The following FGFR3 variants were observed in gnomAD, a reference collection of about 807,000 sequenced individuals.
The protein encoded by FGFR3 is fibroblast growth factor receptor 3, also known as FGFR-3.
FGFR3 carries 25 observed loss-of-function variants against 82.9 expected under a neutral mutation model. The ratio of observed to expected loss-of-function variants is 0.30; its 90% CI spans 0.22 to 0.42. The LOEUF (loss-of-function observed/expected upper bound fraction) is 0.42, where lower values mean the gene tolerates loss of function less well. FGFR3 is among the 10% of genes least tolerant of loss of function. The pLI, the probability that FGFR3 is intolerant of heterozygous loss-of-function variation, is 1.00. For synonymous variants in FGFR3, 620 were observed against 516.0 expected, an observed-to-expected ratio of 1.20 and a Z score of -2.73; for missense variants, 1,026 against 1,161.0, an observed-to-expected ratio of 0.88 and a Z score of 1.69.
chr4:1,807,650 A>C lies in FGFR3; in HGVS notation c.*388A>C. 1.6e-6 allele frequency: 1 copy of C among 631,814 alleles called. No homozygotes were observed. Among genetic ancestry groups the C allele is most frequent in the South Asian group, 1.4e-5 (1 of 72,594 alleles). 39.1% of individuals were successfully genotyped at this position (631,814 alleles called of 1,614,324 possible). On this transcript the variant is annotated 3_prime_UTR_variant, in exon 18 of 18. Transcript: ENST00000440486. ...CTCTGCCTTTGCACCACGGGACATCACAGGGTGGGCCTCGGCCCCTCCCAC... is the reference window on the plus strand; with the variant it reads ...CTCTGCCTTTGCACCACGGGACATCCCAGGGTGGGCCTCGGCCCCTCCCAC...
At chr4:1,804,724 A>T in intron 9 of FGFR3, 100 bp from the exon 10 acceptor site, 1 of 1,468,548 alleles carries the variant, frequency 6.8e-7, no homozygotes, top group Non-Finnish European at 9.3e-7. Context: ...TGCTGGTGGA[A>T]GTCAGAACGC....
At position 1,804,384 on chromosome 4, in the gene FGFR3, T is replaced by G. The variant is rs267606809; in HGVS notation, c.1130T>G (p.Leu377Arg). 1.9e-6 allele frequency: 3 copies of G among 1,612,994 alleles called. No individual in the cohort carries two copies. The highest frequency in any genetic ancestry group is 1.3e-5 in the African/African-American group (1 of 74,994). ...GCGGGCAGTGTGTATGCAGGCATCC[T>G]CAGCTACGGGGTGGGCTTCTTCCTG... ...DEAGSVYAGI[L>R]SYGVGFFLFI... The change falls in exon 9 of 18, where the codon CTC (leucine) becomes CGC (arginine). Residue 377 changes from leucine (L) to arginine (R), a missense_variant. Coordinates refer to ENST00000440486, the MANE Select transcript of FGFR3 (RefSeq NM_000142.5).
intron 2 of FGFR3, among the ~76,000 whole-genome samples, chr4:1,796,014 T>C (rs3135848): frequency 0.4 from 60,915 of 152,132 alleles, 14,995 homozygotes; most frequent in African/African-American, 0.7. Context: ...TCTGGGGCTG[T>C]GGCACCCCTT....
intron 4 of FGFR3, among the ~76,000 whole-genome samples, chr4:1,800,420 C>T (rs1224223140): frequency 6.6e-6 from 1 of 151,934 alleles, no homozygotes; most frequent in Non-Finnish European, 1.5e-5. Context: ...AGGTGAGGGT[C>T]ATCGTGGCAC....
chr4:1,798,981 G>A (rs1720860507), intron 2 of FGFR3, among the ~76,000 whole-genome samples: 1 of 152,252 alleles, frequency 6.6e-6, no homozygotes, highest in Non-Finnish European at 1.5e-5. Flanking sequence ...GAAGCATCAT[G>A]GGGCCACTGC....
chr4:1,807,416 T>C lies in FGFR3; in HGVS notation c.*154T>C, dbSNP rs771564788. ...GTGTGTGTGCGTGTGTGTGTGTGTG[T>C]GTGCACATCCGCGTGTGCCTGTGTG... is the stretch of plus-strand genomic sequence containing the variant. On this transcript the variant is annotated 3_prime_UTR_variant, in exon 18 of 18. Transcript: ENST00000440486. 4 of 1,129,986 alleles carry C rather than the reference T, an allele frequency of 3.5e-6. No individual in the cohort carries two copies. Among genetic ancestry groups the C allele is most frequent in the African/African-American group, 3.1e-5 (2 of 65,258 alleles). The allele number at this position is 1,129,986 out of a possible 1,614,324, so 70.0% of individuals were successfully genotyped here. A position where few individuals can be genotyped will look rare whatever the true frequency, so the allele number is the denominator to read the frequency against.
chr4:1,803,220 C>T, intron 7 of FGFR3: 1 of 909,702 alleles, frequency 1.1e-6, no homozygotes, highest in Non-Finnish European at 1.5e-6. Context: ...CTCCAGCCTC[C>T]ACGGTGACCG....
Position 1,796,449 on chromosome 4 carries a change from C to T in FGFR3, c.109+2406C>T, listed in dbSNP as rs3135850. 6.3e-3 allele frequency among the ~76,000 whole-genome samples: 961 copies of T among 152,220 alleles called. 9 individuals are homozygous for T. Among genetic ancestry groups the T allele is most frequent in the Non-Finnish European group, 0.011 (718 of 68,002 alleles). On this transcript the variant is annotated intron_variant, in intron 2 of 17. Transcript: ENST00000440486. The stretch of plus-strand genomic sequence containing the variant: ...CTCCTACCTGGCAATACCTCCTGTA[C>T]CCCAGAGAGCTGCAGAGAACTTCAT...
rs759398915 is a variant in FGFR3 at position 1,807,132 on chromosome 4, C to A, written c.2291C>A (p.Ser764Ter). The A allele has an allele frequency of 6.3e-7, 1 of 1,588,668 alleles. No individual in the cohort carries two copies. The highest frequency in any genetic ancestry group is 8.6e-7 in the Non-Finnish European group (1 of 1,168,224). The change falls in exon 18 of 18, where the codon TCG becomes TAG. Residue 764 changes from serine to a stop codon, truncating the protein, a stop_gained. Coordinates refer to ENST00000440486, the MANE Select transcript of FGFR3 (RefSeq NM_000142.5). LOFTEE classifies it low-confidence loss of function (END_TRUNC). ...CGCCAGCAGGAGTACCTGGACCTGT[C>A]GGCGCCTTTCGAGCAGTACTCCCCG... ...VTSTDEYLDLSAPFEQYSPGG... is the reference protein window; with the variant it reads ...VTSTDEYLDL
In FGFR3 at chr4:1,805,739, C is replaced by A. The variant is rs763302590; in HGVS notation, c.1646-11C>A. 26 of 1,612,132 alleles carry A rather than the reference C, an allele frequency of 1.6e-5. No homozygotes were observed. In the Admixed American group the frequency reaches 3.8e-4, roughly 24 times the overall value. On this transcript the variant is annotated splice_polypyrimidine_tract_variant and intron_variant, in intron 12 of 17. Coordinates refer to ENST00000440486, the MANE Select transcript of FGFR3 (RefSeq NM_000142.5). ...GGCCTGGCAGCCCGTCTGAGGAGCC[C>A]GTGTCCCCAGGGCCCCTGTACGTGC... is the stretch of plus-strand genomic sequence containing the variant.
At position 1,807,279 on chromosome 4, in the gene FGFR3, A is replaced by C. The variant is rs747126217; in HGVS notation, c.*17A>C. 3.8e-6 allele frequency: 6 copies of C among 1,585,632 alleles called. No individual in the cohort carries two copies. The highest frequency in any genetic ancestry group is 1.7e-5 in the Admixed American group (1 of 57,220). On this transcript the variant is annotated 3_prime_UTR_variant, in exon 18 of 18. Transcript: ENST00000440486. ...CGGACGTGAAGGGCCACTGGTCCCC[A>C]ACAATGTGAGGGGTCCCTAGCAGCC...
chr4:1,805,723 G>A lies in FGFR3; in HGVS notation c.1646-27G>A, dbSNP rs371538127. 43 of 1,611,504 alleles carry A rather than the reference G, an allele frequency of 2.7e-5. No homozygotes were observed. In the African/African-American group the frequency reaches 5.3e-4, roughly 20 times the overall value. On this transcript the variant is annotated intron_variant, in intron 12 of 17. Coordinates refer to ENST00000440486, the MANE Select transcript of FGFR3 (RefSeq NM_000142.5). ...CTGGGCGGCCCTCCTGGGCCTGGCA[G>A]CCCGTCTGAGGAGCCCGTGTCCCCA...
intron 15 of FGFR3, 104 bp downstream of exon 15, chr4:1,806,431 G>A (rs907301860): frequency 7.0e-5 from 112 of 1,603,266 alleles, no homozygotes; most frequent in Middle Eastern, 1.9e-4. Flanking sequence ...GCTCCTGGGT[G>A]TGGTTTCTAC....
chr4:1,804,712 A>G lies in FGFR3; in HGVS notation c.1267-112A>G. 2.1e-6 allele frequency: 3 copies of G among 1,441,906 alleles called. No homozygotes were observed. The South Asian group carries it at 3.6e-5, about 17-fold the overall frequency. 89.3% of individuals were successfully genotyped at this position (1,441,906 alleles called of 1,614,324 possible). A position where few individuals can be genotyped will look rare whatever the true frequency, so the allele number is the denominator to read the frequency against. ...CGAAACATTCTAAAAATCTTCATTC[A>G]ATGCTGGTGGAAGTCAGAACGCCCC... On this transcript the variant is annotated intron_variant, in intron 9 of 17. Transcript: ENST00000440486.
rs984147085 is a variant in FGFR3, at chr4:1,793,311, C to G, written c.-257C>G. On this transcript the variant is annotated 5_prime_UTR_variant, in exon 1 of 18. Coordinates refer to ENST00000440486, the MANE Select transcript of FGFR3 (RefSeq NM_000142.5). ...CAGGCTCAGTGCGCGGTGGCGGCGGCGTCGCGGGCAGCTGGCGCCGCGCGG... is the reference window on the plus strand; with the variant it reads ...CAGGCTCAGTGCGCGGTGGCGGCGGGGTCGCGGGCAGCTGGCGCCGCGCGG... 1 of 146,308 alleles carries G rather than the reference C, an allele frequency of 6.8e-6. No homozygotes were observed. Among genetic ancestry groups the G allele is most frequent in the Non-Finnish European group, 1.5e-5 (1 of 65,950 alleles). The allele number at this position is 146,308 out of a possible 1,614,324, so 9.1% of individuals were successfully genotyped here.
In FGFR3 at chr4:1,795,639, G is replaced by T. The variant is rs1228092540; in HGVS notation, c.109+1596G>T. ...CGCAGGGGTCAAGGGCGGTGGGAAAGGTTTTGGCCACTGGACTGCCCTGGC... is the reference window on the plus strand; with the variant it reads ...CGCAGGGGTCAAGGGCGGTGGGAAATGTTTTGGCCACTGGACTGCCCTGGC... On this transcript the variant is annotated intron_variant, in intron 2 of 17. Coordinates refer to ENST00000440486, the MANE Select transcript of FGFR3 (RefSeq NM_000142.5). Among the ~76,000 whole-genome samples, 4 of 152,340 alleles carry T rather than the reference G, an allele frequency of 2.6e-5. No homozygotes were observed. The East Asian group carries it at 7.7e-4, about 29-fold the overall frequency.
Position 1,793,893 on chromosome 4 carries a change from C to T in FGFR3, c.-42C>T. ...CGCCGGGCCGTGGGGGGCAGCATGCCCGCGCGCGCTGCCTGAGGACGCCGC... is the reference window on the plus strand; with the variant it reads ...CGCCGGGCCGTGGGGGGCAGCATGCTCGCGCGCGCTGCCTGAGGACGCCGC... On this transcript the variant is annotated 5_prime_UTR_variant, in exon 2 of 18. Coordinates refer to ENST00000440486, the MANE Select transcript of FGFR3 (RefSeq NM_000142.5). The T allele has an allele frequency of 1.1e-6, 1 of 899,478 alleles. No individual in the cohort carries two copies. The highest frequency in any genetic ancestry group is 5.0e-5 in the East Asian group (1 of 20,176). 55.7% of individuals were successfully genotyped at this position (899,478 alleles called of 1,614,324 possible). A position where few individuals can be genotyped will look rare whatever the true frequency, so the allele number is the denominator to read the frequency against.
rs1240448704 is a variant in FGFR3 at position 1,799,945 on chromosome 4, C to T, written c.445+133C>T. On this transcript the variant is annotated intron_variant, in intron 4 of 17. Transcript: ENST00000440486. ...CTGGGGTCACCCCGAAGGTCTGGTC[C>T]CCTCAGGATACAGGAGGGGCTGGGT... 5.1e-6 allele frequency: 5 copies of T among 976,948 alleles called. No homozygotes were observed. The East Asian group carries it at 7.7e-5, about 15-fold the overall frequency. The allele number at this position is 976,948 out of a possible 1,614,324, so 60.5% of individuals were successfully genotyped here.
At position 1,807,174 on chromosome 4, in the gene FGFR3, C is replaced by G. The variant is rs1300271691; in HGVS notation, c.2333C>G (p.Pro778Arg). 2.5e-6 allele frequency: 4 copies of G among 1,603,068 alleles called. No individual in the cohort carries two copies. In the East Asian group the frequency reaches 9.0e-5, roughly 36 times the overall value. Residue 778 changes from proline to arginine, a missense_variant, in exon 18 of 18, where the codon CCC (proline) becomes CGC (arginine). Physicochemically the swap from Pro to Arg is moderately radical, Grantham distance 103. Around this residue, in one of 9 missense-constraint regions of FGFR3, gnomAD observed 155 missense variants for 150.2 expected, o/e 1.03. Transcript: ENST00000440486. The stretch of plus-strand genomic sequence containing the variant: ...TACTCCCCGGGTGGCCAGGACACCC[C>G]CAGCTCCAGCTCCTCAGGGGACGAC... Reference protein sequence around the residue: ...EQYSPGGQDTPSSSSSGDDSV... With the variant: ...EQYSPGGQDTRSSSSSGDDSV...
Sources: allele counts gnomAD v4.1 joint callset (sites outside exome capture counted in the v4.1 genomes callset), GRCh38; gene constraint gnomAD v4.1.1; regional missense constraint gnomAD v4.1.1; transcripts MANE v1.5; gene names NCBI Gene and HGNC (gene_info 2026-07-23, HGNC 2026-07-21).